JPH3: variants seen among roughly 807,000 people sequenced by gnomAD.
JPH3 encodes the protein junctophilin-3.
In JPH3, 11 loss-of-function variants were observed where a neutral mutation model predicts 59.6. The ratio of observed to expected loss-of-function variants is 0.18; its 90% CI spans 0.12 to 0.31. The LOEUF (loss-of-function observed/expected upper bound fraction) is 0.31, where lower values mean the gene tolerates loss of function less well. JPH3 is among the 10% of genes least tolerant of loss of function. JPH3 has a pLI of 1.00. For synonymous variants in JPH3, 673 were observed against 483.6 expected (o/e 1.39, Z -5.14); for missense variants, 1,202 against 1,105.7 (o/e 1.09, Z -1.24).
intron 4 of JPH3, among the ~76,000 whole-genome samples, chr16:87,691,092 C>CT (rs1030047075): frequency 6.7e-6 from 1 of 149,736 alleles, no homozygotes; most frequent in African/African-American, 2.5e-5. Context: ...CAGCACCCCC[C>CT]CCCCAAATTC....
At chr16:87,655,995 C>T (rs555872458) in intron 2 of JPH3, among the ~76,000 whole-genome samples, 1 of 152,186 alleles carries the variant, frequency 6.6e-6, no homozygotes, top group Non-Finnish European at 1.5e-5. Context: ...GGGAGTGGGG[C>T]ACTGCTGCGT....
intron 2 of JPH3, among the ~76,000 whole-genome samples, chr16:87,661,619 C>A (rs1161293477): frequency 6.6e-6 from 1 of 152,216 alleles, no homozygotes; most frequent in Non-Finnish European, 1.5e-5. Context: ...GAGAACACAC[C>A]CCACTTTATC....
intron 3 of JPH3, among the ~76,000 whole-genome samples, chr16:87,688,642 G>C (rs542045234): frequency 6.6e-6 from 1 of 152,264 alleles, no homozygotes; most frequent in East Asian, 1.9e-4. Context: ...TCCGTCCTCA[G>C]AGGGAAGACT....
chr16:87,646,708 T>G (rs1190021966), intron 2 of JPH3, among the ~76,000 whole-genome samples: 1 of 152,092 alleles, frequency 6.6e-6, no homozygotes, highest in Non-Finnish European at 1.5e-5. Flanking sequence ...AAGAAGCAGT[T>G]TTGGGGGCTG....
intron 2 of JPH3, among the ~76,000 whole-genome samples, chr16:87,651,563 T>C (rs562388855): frequency 7.9e-5 from 12 of 152,344 alleles, no homozygotes; most frequent in African/African-American, 2.9e-4. Context: ...CCAGCCCTCA[T>C]GGACGGCTTT....
At chr16:87,608,502 C>T (rs376312157) in intron 1 of JPH3, among the ~76,000 whole-genome samples, 13 of 152,108 alleles carry the variant, frequency 8.5e-5, no homozygotes, top group Admixed American at 5.9e-4. Flanking sequence ...ATGGAGCCAC[C>T]GCTGCACTGG....
At chr16:87,625,872 A>G (rs1345023153) in intron 1 of JPH3, among the ~76,000 whole-genome samples, 1 of 151,480 alleles carries the variant, frequency 6.6e-6, no homozygotes, top group Non-Finnish European at 1.5e-5. Flanking sequence ...TTCACCCCAT[A>G]CCCTCCCCTG....
At chr16:87,646,338 C>G (rs574157955) in intron 2 of JPH3, among the ~76,000 whole-genome samples, 1 of 152,186 alleles carries the variant, frequency 6.6e-6, no homozygotes, top group Non-Finnish European at 1.5e-5. Context: ...GAATCAAGAT[C>G]GATTCCAAGA....
chr16:87,615,837 C>T (rs112636643), intron 1 of JPH3, among the ~76,000 whole-genome samples: 6 of 152,240 alleles, frequency 3.9e-5, no homozygotes, highest in Non-Finnish European at 7.4e-5. Flanking sequence ...GGGAAGAGAC[C>T]GGGTCTGTTG....
intron 1 of JPH3, among the ~76,000 whole-genome samples, chr16:87,635,487 G>A (rs150887017): frequency 6.6e-6 from 1 of 152,184 alleles, no homozygotes; most frequent in East Asian, 1.9e-4. Flanking sequence ...CTGGCCCAGG[G>A]CTCTGGCTTT....
At chr16:87,615,002 C>T (rs1355850973) in intron 1 of JPH3, among the ~76,000 whole-genome samples, 1 of 127,410 alleles carries the variant, frequency 7.8e-6, no homozygotes, top group African/African-American at 3.1e-5. Flanking sequence ...CCGGGATAAA[C>T]GCTGGTCCCT....
At chr16:87,649,213 G>A (rs2032251186) in intron 2 of JPH3, among the ~76,000 whole-genome samples, 2 of 152,172 alleles carry the variant, frequency 1.3e-5, no homozygotes, top group African/African-American at 4.8e-5. Flanking sequence ...CTCCTGTGGG[G>A]TCAGCCTCAC....
intron 2 of JPH3, among the ~76,000 whole-genome samples, chr16:87,648,116 A>C (rs942630286): frequency 3.3e-5 from 5 of 152,132 alleles, no homozygotes; most frequent in African/African-American, 1.2e-4. Flanking sequence ...TTGTGAGCTC[A>C]CTGGTGCGAC....
intron 2 of JPH3, among the ~76,000 whole-genome samples, chr16:87,655,791 T>G (rs1331205122): frequency 2.0e-5 from 3 of 152,234 alleles, no homozygotes; most frequent in Non-Finnish European, 4.4e-5. Flanking sequence ...AGTCTGGCCA[T>G]CTCATGGTCC....
intron 2 of JPH3, among the ~76,000 whole-genome samples, chr16:87,655,799 T>G (rs936639467): frequency 6.6e-6 from 1 of 152,224 alleles, no homozygotes; most frequent in Non-Finnish European, 1.5e-5. Context: ...CATCTCATGG[T>G]CCCTGCGTCT....
At chr16:87,613,242 AC>A (rs1025228140) in intron 1 of JPH3, among the ~76,000 whole-genome samples, 71 of 145,134 alleles carry the variant, frequency 4.9e-4, no homozygotes, top group African/African-American at 1.4e-3. Flanking sequence ...GACTACAGGT[AC>A]CCACCACCAC....
At chr16:87,681,295 G>A (rs1465416449) in intron 2 of JPH3, among the ~76,000 whole-genome samples, 1 of 149,524 alleles carries the variant, frequency 6.7e-6, no homozygotes, top group African/African-American at 2.5e-5. Context: ...AAGGTCAGGT[G>A]CGCACGGTGA....
intron 4 of JPH3, among the ~76,000 whole-genome samples, chr16:87,692,405 A>C (rs1221186003): frequency 6.6e-6 from 1 of 152,188 alleles, no homozygotes; most frequent in African/African-American, 2.4e-5. Flanking sequence ...GGCTGGGCTG[A>C]GTGCCTTCAG....
At chr16:87,685,037 C>T (rs2033383525) in intron 3 of JPH3, among the ~76,000 whole-genome samples, 1 of 152,204 alleles carries the variant, frequency 6.6e-6, no homozygotes, top group South Asian at 2.1e-4. Context: ...TCGGATGAGG[C>T]TCTGCGCGCT....
Sources: gnomAD v4.1 joint callset for allele counts (sites outside exome capture counted in the v4.1 genomes callset) on GRCh38, gnomAD v4.1.1 for gene constraint, MANE v1.5 for transcripts, NCBI Gene and HGNC (gene_info 2026-07-23, HGNC 2026-07-21) for gene names.